Variants in CALR observed in about 807,000 individuals in gnomAD.
CALR encodes calreticulin.
CALR carries 15 observed loss-of-function variants against 51.1 expected under a neutral mutation model. The observed-to-expected ratio is 0.29, with a 90% CI of 0.20 to 0.45. The LOEUF is 0.45. CALR is among the 20% of genes least tolerant of loss of function. The pLI is 1.00. For synonymous variants in CALR, 239 were observed against 205.9 expected (o/e 1.16, Z -1.38); for missense variants, 477 against 530.6 (o/e 0.90, Z 0.99).
At position 12,943,814 on chromosome 19, in the gene CALR, G is replaced by A. The variant is rs1159150142; in HGVS notation, c.1155G>A (p.Lys385=). ...KRKEEEEAED[K]EDDEDKDEDE... Reference sequence around the variant, plus strand: ...AAGAGGAGGAGGAGGCAGAGGACAAGGAGGATGATGAGGACAAAGATGAGG... The same window carrying A: ...AAGAGGAGGAGGAGGCAGAGGACAAAGAGGATGATGAGGACAAAGATGAGG... The change falls in exon 9 of 9, where the codon AAG becomes AAA. Residue 385 remains lysine (K), a synonymous_variant. Transcript: ENST00000316448. 6.3e-7 allele frequency: 1 copy of A among 1,583,188 alleles called. No homozygotes were observed. The highest frequency in any genetic ancestry group is 8.6e-7 in the Non-Finnish European group (1 of 1,164,260).
At position 12,938,700 on chromosome 19, in the gene CALR, G is replaced by A. The variant is rs1568447956; in HGVS notation, c.21G>A (p.Leu7=). 6.2e-7 allele frequency: 1 copy of A among 1,611,296 alleles called. No homozygotes were observed. Among genetic ancestry groups the A allele is most frequent in the Non-Finnish European group, 8.5e-7 (1 of 1,179,302 alleles). ...CCGCCATGCTGCTATCCGTGCCGCT[G>A]CTGCTCGGCCTCCTCGGCCTGGCCG... MLLSVP[L]LLGLLGLAVA... The change falls in exon 1 of 9, where the codon CTG becomes CTA. Residue 7 remains leucine, a synonymous_variant. Coordinates refer to ENST00000316448, the MANE Select transcript of CALR (RefSeq NM_004343.4).
intron 2 of CALR, 65 bp downstream of exon 2, chr19:12,939,300 A>C (rs1971511926): frequency 4.2e-6 from 6 of 1,429,368 alleles, no homozygotes; most frequent in African/African-American, 1.4e-5. Context: ...TTGTCTGTAC[A>C]CACACAGCCG....
Position 12,944,149 on chromosome 19 carries a change from C to G in CALR, c.*236C>G, listed in dbSNP as rs906777358. The G allele has an allele frequency of 3.5e-4, 220 of 636,342 alleles. No individual in the cohort carries two copies. Among genetic ancestry groups the G allele is most frequent in the Non-Finnish European group, 2.4e-4 (92 of 380,906 alleles). 39.4% of individuals were successfully genotyped at this position (636,342 alleles called of 1,614,324 possible). On this transcript the variant is annotated 3_prime_UTR_variant, in exon 9 of 9. Transcript: ENST00000316448. ...TTTGATTCTCCTTCAGCCCTCACCC[C>G]TGGTTCTCATCTTTCTTGATCAACA...
intron 7 of CALR, 37 bp downstream of exon 7, chr19:12,940,924 C>T (rs1453221894): frequency 6.2e-7 from 1 of 1,608,180 alleles, no homozygotes; most frequent in African/African-American, 1.3e-5. Flanking sequence ...CCCTGGGGTA[C>T]CTCAAGTGCA....
intron 7 of CALR, among the ~76,000 whole-genome samples, chr19:12,941,301 A>T (rs1320212782): frequency 4.0e-5 from 6 of 148,392 alleles, no homozygotes; most frequent in African/African-American, 7.4e-5. Flanking sequence ...TACAAAAAAA[A>T]TTTTTTTTTT....
Position 12,944,085 on chromosome 19 carries a change from C to T in CALR, c.*172C>T, listed in dbSNP as rs1380150497. The T allele has an allele frequency of 8.8e-6, 9 of 1,019,326 alleles. No individual in the cohort carries two copies. Among genetic ancestry groups the T allele is most frequent in the Admixed American group, 6.2e-5 (2 of 32,188 alleles). The allele number at this position is 1,019,326 out of a possible 1,614,324, so 63.1% of individuals were successfully genotyped here. ...CCTCCACTCTCCCCCACCCCCTCCC[C>T]GCCCTTTTTTTTTTTTTTTTTTAAA... On this transcript the variant is annotated 3_prime_UTR_variant, in exon 9 of 9. Coordinates refer to ENST00000316448, the MANE Select transcript of CALR (RefSeq NM_004343.4).
In CALR at chr19:12,943,613, CGTG is replaced by C. The variant is rs768526630; in HGVS notation, c.1039_1041del (p.Trp347del). 3 of 1,614,080 alleles carry C rather than the reference CGTG, an allele frequency of 1.9e-6. No homozygotes were observed. Among genetic ancestry groups the C allele is most frequent in the Non-Finnish European group, 2.5e-6 (3 of 1,180,024 alleles). On this transcript the variant is annotated inframe_deletion, in exon 8 of 9. Transcript: ENST00000316448. The stretch of plus-strand genomic sequence containing the variant: ...TACGCTGAGGAGTTTGGCAACGAGA[CGTG>C]GGGCGTAACAAAGGTGAGGCCTGGT...
In CALR at chr19:12,944,435, A is replaced by T. The variant is rs948982568; in HGVS notation, c.*522A>T. On this transcript the variant is annotated 3_prime_UTR_variant, in exon 9 of 9. Coordinates refer to ENST00000316448, the MANE Select transcript of CALR (RefSeq NM_004343.4). Reference sequence around the variant, plus strand: ...GGCAGTGGGTCCCAGATTGGCTCACACTGAGAATGTAAGAACTACAAACAA... The same window carrying T: ...GGCAGTGGGTCCCAGATTGGCTCACTCTGAGAATGTAAGAACTACAAACAA... 1.0e-5 allele frequency: 2 copies of T among 195,484 alleles called. No individual in the cohort carries two copies. The highest frequency in any genetic ancestry group is 2.2e-5 in the Non-Finnish European group (2 of 92,350). The allele number at this position is 195,484 out of a possible 1,614,324, so 12.1% of individuals were successfully genotyped here.
chr19:12,939,323 T>G, intron 2 of CALR, 88 bp downstream of exon 2: 1 of 1,447,710 alleles, frequency 6.9e-7, no homozygotes, highest in Non-Finnish European at 9.6e-7. Flanking sequence ...ACAGTCCCCT[T>G]GGAGGAGGAC....
Position 12,940,304 on chromosome 19 carries a change from A to G in CALR, c.554A>G (p.Lys185Arg), listed in dbSNP as rs1971528359. Reference protein sequence around the residue: ...IVRPDNTYEVKIDNSQVESGS... With the variant: ...IVRPDNTYEVRIDNSQVESGS... ...CGGCCAGACAACACCTATGAGGTGA[A>G]GATTGACAACAGCCAGGTGGAGTCC... The change falls in exon 5 of 9, where the codon AAG becomes AGG. Residue 185 changes from lysine (K) to arginine (R), a missense_variant. Physicochemically the swap from Lys to Arg is conservative, Grantham distance 26. Transcript: ENST00000316448. 6.2e-7 allele frequency: 1 copy of G among 1,614,102 alleles called. No individual in the cohort carries two copies. Among genetic ancestry groups the G allele is most frequent in the African/African-American group, 1.3e-5 (1 of 74,936 alleles).
chr19:12,939,407 C>T, intron 2 of CALR, 21 bp from the exon 3 acceptor site: 1 of 1,611,584 alleles, frequency 6.2e-7, no homozygotes, highest in East Asian at 2.2e-5. Context: ...CAACGGTGAC[C>T]TCACTACCGT....
At chr19:12,939,361 T>C (rs1304597360) in intron 2 of CALR, 67 bp from the exon 3 acceptor site, 2 of 1,537,296 alleles carry the variant, frequency 1.3e-6, no homozygotes, top group Non-Finnish European at 1.8e-6. Context: ...GAGTCTTCTC[T>C]ATTCTCTAAG....
Position 12,943,877 on chromosome 19 carries a change from G to A in CALR, c.1218G>A (p.Glu406=), listed in dbSNP as rs186827895. The change falls in exon 9 of 9, where the codon GAG becomes GAA. Residue 406 remains glutamate (E), a synonymous_variant. Transcript: ENST00000316448. ...EDEEDKEEDE[E]EDVPGQAKDE... ...AGGAGGACAAGGAGGAAGATGAGGAGGAAGATGTCCCCGGCCAGGCCAAGG... is the reference window on the plus strand; with the variant it reads ...AGGAGGACAAGGAGGAAGATGAGGAAGAAGATGTCCCCGGCCAGGCCAAGG... 3.1e-6 allele frequency: 5 copies of A among 1,591,180 alleles called. No individual in the cohort carries two copies. The East Asian group carries it at 1.1e-4, about 36-fold the overall frequency.
rs929022688 is a variant in CALR, at chr19:12,944,073, C to T, written c.*160C>T. The T allele has an allele frequency of 2.6e-6, 3 of 1,158,166 alleles. No homozygotes were observed. The highest frequency in any genetic ancestry group is 3.6e-6 in the Non-Finnish European group (3 of 826,830). 71.7% of individuals were successfully genotyped at this position (1,158,166 alleles called of 1,614,324 possible). A position where few individuals can be genotyped will look rare whatever the true frequency, so the allele number is the denominator to read the frequency against. ...TTTTGTTCCCCTCCTCCACTCTCCC[C>T]CACCCCCTCCCCGCCCTTTTTTTTT... On this transcript the variant is annotated 3_prime_UTR_variant, in exon 9 of 9. Transcript: ENST00000316448.
Position 12,944,067 on chromosome 19 carries a change from TCTCCCCCACCCC to T in CALR, c.*161_*172del. Reference sequence around the variant, plus strand: ...TTTTGGTTTTGTTCCCCTCCTCCACTCTCCCCCACCCCCTCCCCGCCCTTTTTTTTTTTTTTT... The same window carrying T: ...TTTTGGTTTTGTTCCCCTCCTCCACTCTCCCCGCCCTTTTTTTTTTTTTTT... On this transcript the variant is annotated 3_prime_UTR_variant, in exon 9 of 9. Transcript: ENST00000316448. 1 of 1,158,054 alleles carries T rather than the reference TCTCCCCCACCCC, an allele frequency of 8.6e-7. No homozygotes were observed. The highest frequency in any genetic ancestry group is 1.2e-6 in the Non-Finnish European group (1 of 806,768). 71.7% of individuals were successfully genotyped at this position (1,158,054 alleles called of 1,614,324 possible).
intron 1 of CALR, 65 bp from the exon 2 acceptor site, chr19:12,939,069 A>T: frequency 1.1e-6 from 1 of 947,386 alleles, no homozygotes; most frequent in Non-Finnish European, 1.7e-6. Flanking sequence ...GGCTCTCGGC[A>T]GATGTTTGGT....
chr19:12,943,322 G>GATCC (rs1971574227), intron 7 of CALR: 1 of 589,904 alleles, frequency 1.7e-6, no homozygotes, highest in Non-Finnish European at 3.1e-6. Context: ...CTGACCTCGT[G>GATCC]ATCCGCCCAC....
At chr19:12,942,956 A>G (rs778643080) in intron 7 of CALR, among the ~76,000 whole-genome samples, 2 of 150,348 alleles carry the variant, frequency 1.3e-5, no homozygotes, top group South Asian at 2.1e-4. Context: ...GAGTTTCACT[A>G]TGTTGCCCAG....
intron 1 of CALR, 69 bp downstream of exon 1, chr19:12,938,839 T>C: frequency 8.3e-7 from 1 of 1,199,174 alleles, no homozygotes; most frequent in African/African-American, 1.5e-5. Context: ...ATCTGCGTTG[T>C]CGCCCGTAAT....
Sources: gnomAD v4.1 joint callset for allele counts (sites outside exome capture counted in the v4.1 genomes callset) on GRCh38, gnomAD v4.1.1 for gene constraint, MANE v1.5 for transcripts, NCBI Gene and HGNC (gene_info 2026-07-23, HGNC 2026-07-21) for gene names.